The following B3GALNT2 variants were observed in gnomAD, a reference collection of about 807,000 sequenced individuals.
B3GALNT2 encodes beta-1,3-N-acetylgalactosaminyltransferase 2, also known as UDP-GalNAc:beta-1,3-N-acetylgalactosaminyltransferase 2.
In B3GALNT2, 53 loss-of-function variants were observed where a neutral mutation model predicts 61.1. That is an observed-to-expected ratio of 0.87 (90% confidence interval 0.70 to 1.09). B3GALNT2 has a LOEUF of 1.09. B3GALNT2 is among the 50% of genes least tolerant of loss of function. The pLI, the probability that B3GALNT2 is intolerant of heterozygous loss-of-function variation, is 0.00. For missense variants in B3GALNT2, 544 were observed against 623.0 expected (o/e 0.87, Z 1.35); for synonymous variants, 223 against 237.4 (o/e 0.94, Z 0.56).
chr1:235,466,586 C>G lies in B3GALNT2; in HGVS notation c.763-872G>C, dbSNP rs559448557. Among the ~76,000 whole-genome samples the G allele has an allele frequency of 4.1e-4, 62 of 152,268 alleles. No homozygotes were observed. In the South Asian group the frequency reaches 0.011, roughly 27 times the overall value. On this transcript the variant is annotated intron_variant, in intron 6 of 11. Coordinates refer to ENST00000366600, the MANE Select transcript of B3GALNT2 (RefSeq NM_152490.5). The stretch of plus-strand genomic sequence containing the variant: ...CCCAGGCTGGTCTTGAACTCCTGGG[C>G]TCAAGTGATCCTCCCGCCTCGGTCT...
intron 1 of B3GALNT2, among the ~76,000 whole-genome samples, chr1:235,495,148 A>G (rs1433533098): frequency 6.6e-6 from 1 of 152,216 alleles, no homozygotes; most frequent in Admixed American, 6.5e-5. Flanking sequence ...GTAGGCATTA[A>G]GAGTCAATTA....
At chr1:235,453,993 TTTTTTG>T (rs1047914113) in intron 10 of B3GALNT2, among the ~76,000 whole-genome samples, 157 bp downstream of exon 10, 1 of 152,114 alleles carries the variant, frequency 6.6e-6, no homozygotes, top group South Asian at 2.1e-4. Context: ...AAATCCTTAA[TTTTTTG>T]TTTTTATTTT....
chr1:235,496,663 A>G (rs1685339990), intron 1 of B3GALNT2, among the ~76,000 whole-genome samples: 1 of 150,864 alleles, frequency 6.6e-6, no homozygotes, highest in Non-Finnish European at 1.5e-5. Context: ...CTCCTGCCTC[A>G]GCCTCCTGAG....
chr1:235,487,287 A>G (rs756699426), intron 3 of B3GALNT2, among the ~76,000 whole-genome samples: 4 of 152,222 alleles, frequency 2.6e-5, no homozygotes, highest in Non-Finnish European at 4.4e-5. Context: ...AGAAACCTCT[A>G]TTTTGTAATA....
chr1:235,468,516 G>C (rs1224091796), intron 6 of B3GALNT2, among the ~76,000 whole-genome samples: 9 of 141,622 alleles, frequency 6.4e-5, no homozygotes, highest in Non-Finnish European at 1.3e-4. Context: ...GCAGTGGCGC[G>C]ATCTTGGCTC....
At chr1:235,486,472 G>A (rs1350369953) in intron 3 of B3GALNT2, among the ~76,000 whole-genome samples, 1 of 152,094 alleles carries the variant, frequency 6.6e-6, no homozygotes, top group African/African-American at 2.4e-5. Context: ...TTCAAGTTAC[G>A]TGGACACAGG....
At position 235,476,072 on chromosome 1, in the gene B3GALNT2, G is replaced by C. The variant is rs1207492127; in HGVS notation, c.651+3982C>G. The stretch of plus-strand genomic sequence containing the variant: ...GTCTATTTAGCCTAAAGCCTGAAGG[G>C]AGATAAAAAGCACAAGGCTATAGTC... On this transcript the variant is annotated intron_variant, in intron 5 of 11. Transcript: ENST00000366600. Among the ~76,000 whole-genome samples, 4 of 152,126 alleles carry C rather than the reference G, an allele frequency of 2.6e-5. No individual in the cohort carries two copies. The East Asian group carries it at 7.7e-4, about 29-fold the overall frequency.
intron 2 of B3GALNT2, among the ~76,000 whole-genome samples, chr1:235,492,405 T>G (rs1225034597): frequency 6.6e-6 from 1 of 152,224 alleles, no homozygotes; most frequent in African/African-American, 2.4e-5. Context: ...AGCTGATCAT[T>G]CTCATAACAC....
chr1:235,488,266 G>C (rs1284638259), intron 3 of B3GALNT2, among the ~76,000 whole-genome samples: 2 of 152,058 alleles, frequency 1.3e-5, no homozygotes, highest in African/African-American at 4.8e-5. Context: ...GGTAATTCAG[G>C]ATTTATCTAA....
rs924789873 is a variant in B3GALNT2, at chr1:235,448,119, G to A, written c.*2087C>T. Among the ~76,000 whole-genome samples the A allele has an allele frequency of 6.6e-6, 1 of 150,580 alleles. No individual in the cohort carries two copies. The highest frequency in any genetic ancestry group is 1.5e-5 in the Non-Finnish European group (1 of 67,858). ...GGAGGCTGAGGCAGGAGAATTGTTT[G>A]AACCCGGGAAGCGGAGGTTGCAGTG... On this transcript the variant is annotated 3_prime_UTR_variant, in exon 12 of 12. Transcript: ENST00000366600.
intron 2 of B3GALNT2, among the ~76,000 whole-genome samples, chr1:235,491,441 C>A (rs1377182434): frequency 6.6e-6 from 1 of 152,102 alleles, no homozygotes; most frequent in Non-Finnish European, 1.5e-5. Context: ...CATGTATGTA[C>A]ATATAAGCAT....
At chr1:235,443,177 C>T (rs190582824), downstream of B3GALNT2, among the ~76,000 whole-genome samples, 341 of 140,972 alleles carry the variant, frequency 2.4e-3, 6 homozygotes, top group Admixed American at 0.014. Flanking sequence ...CACACACACA[C>T]ACACACACAT....
At chr1:235,471,820 G>A (rs1367491624) in intron 5 of B3GALNT2, among the ~76,000 whole-genome samples, 2 of 152,026 alleles carry the variant, frequency 1.3e-5, no homozygotes, top group African/African-American at 4.8e-5. Flanking sequence ...TCACTATCAC[G>A]CCCGGTTAAT....
chr1:235,458,460 G>A (rs1269688227), intron 8 of B3GALNT2, 143 bp downstream of exon 8: 8 of 1,031,940 alleles, frequency 7.8e-6, no homozygotes, highest in South Asian at 6.8e-5. Flanking sequence ...TAAGGCAGGA[G>A]GTTTGCCTGC....
At chr1:235,482,585 C>A (rs571702742) in intron 4 of B3GALNT2, among the ~76,000 whole-genome samples, 1 of 151,308 alleles carries the variant, frequency 6.6e-6, no homozygotes, top group East Asian at 1.9e-4. Flanking sequence ...CTGTGTCCAG[C>A]CAATTTAGCT....
At chr1:235,484,844 G>A (rs1471445966) in intron 3 of B3GALNT2, among the ~76,000 whole-genome samples, 1 of 152,190 alleles carries the variant, frequency 6.6e-6, no homozygotes, top group East Asian at 1.9e-4. Flanking sequence ...CTATTTGGAA[G>A]GGTTGGATAA....
chr1:235,504,399 C>T lies in B3GALNT2; in HGVS notation c.-147G>A. On this transcript the variant is annotated 5_prime_UTR_variant, in exon 1 of 12. Coordinates refer to ENST00000366600, the MANE Select transcript of B3GALNT2 (RefSeq NM_152490.5). ...GCTCGGCGACGTCTGGGGGGCTCCT[C>T]GCAGCTCCCGGCCCCGCTCCTCCGG... 2.4e-6 allele frequency: 2 copies of T among 839,094 alleles called. No homozygotes were observed. The highest frequency in any genetic ancestry group is 3.3e-6 in the Non-Finnish European group (2 of 599,456). The allele number at this position is 839,094 out of a possible 1,614,324, so 52.0% of individuals were successfully genotyped here. A position where few individuals can be genotyped will look rare whatever the true frequency, so the allele number is the denominator to read the frequency against.
chr1:235,464,037 G>A (rs1306670646), intron 7 of B3GALNT2: 1 of 152,178 alleles, frequency 6.6e-6, no homozygotes. Flanking sequence ...ATATCCACAT[G>A]CAAAAGAATG....
rs758132746 is a variant in B3GALNT2 at position 235,489,173 on chromosome 1, T to A, written c.356A>T (p.Asn119Ile). The change falls in exon 3 of 12, where the codon AAT (asparagine) becomes ATT (isoleucine). Residue 119 changes from asparagine (N) to isoleucine (I), a missense_variant. Physicochemically the swap from Asn to Ile is moderately radical, Grantham distance 149. Coordinates refer to ENST00000366600, the MANE Select transcript of B3GALNT2 (RefSeq NM_152490.5). ...CAAGGGAAAAGATGACTTACCTGGATTTGTGATGTTGAGTAGTTTACAGGA... is the reference window on the plus strand; with the variant it reads ...CAAGGGAAAAGATGACTTACCTGGAATTGTGATGTTGAGTAGTTTACAGGA... ...PYSCKLLNIT[N>I]PVLNQEIEAF... The A allele has an allele frequency of 5.6e-6, 9 of 1,613,570 alleles. No individual in the cohort carries two copies. In the African/African-American group the frequency reaches 1.1e-4, roughly 19 times the overall value.
Sources: allele counts gnomAD v4.1 joint callset (sites outside exome capture counted in the v4.1 genomes callset), GRCh38; gene constraint gnomAD v4.1.1; transcripts MANE v1.5; gene names NCBI Gene and HGNC (gene_info 2026-07-23, HGNC 2026-07-21).